The following RPL29 variants were observed in gnomAD, a reference collection of about 807,000 sequenced individuals.
The protein encoded by RPL29 is ribosomal protein L29.
A neutral mutation model predicts 7.2 loss-of-function variants in RPL29; 4 were observed. The observed-to-expected ratio is 0.55, with a 90% CI of 0.27 to 1.26. The LOEUF (loss-of-function observed/expected upper bound fraction) is 1.26. Among genes scored for constraint, RPL29 ranks in the 50% most tolerant of loss-of-function variants. RPL29 has a pLI of 0.11. For missense variants in RPL29, 148 were observed against 209.1 expected, an observed-to-expected ratio of 0.71 and a Z score of 1.80; for synonymous variants, 73 against 72.8, an observed-to-expected ratio of 1.00 and a Z score of -0.01.
At chr3:51,994,593 A>G (rs1443912148) in intron 3 of RPL29, 1 of 442,864 alleles carries the variant, frequency 2.3e-6, no homozygotes, top group Non-Finnish European at 4.1e-6. Context: ...AAGGGAAGGA[A>G]CAGACTGGGG....
rs12820 is a variant in RPL29 at position 51,993,963 on chromosome 3, A to G, written c.266T>C (p.Val89Ala). The change falls in exon 4 of 4, where the codon GTC (valine) becomes GCC (alanine). Residue 89 changes from valine to alanine, a missense_variant. Transcript: ENST00000294189. ...GGCAAGTCGATCGAGCTTGCGGCTG[A>G]CACCCTTTGGGATCTTGGGCTTAAC... is the stretch of plus-strand genomic sequence containing the variant. ...KEVKPKIPKG[V>A]SRKLDRLAYI... 1 of 1,596,978 alleles carries G rather than the reference A, an allele frequency of 6.3e-7. No individual in the cohort carries two copies. Among genetic ancestry groups the G allele is most frequent in the South Asian group, 1.1e-5 (1 of 91,002 alleles).
Position 51,995,419 on chromosome 3 carries a change from A to C in RPL29, c.37+6T>G, listed in dbSNP as rs759525225. 4 of 1,614,116 alleles carry C rather than the reference A, an allele frequency of 2.5e-6. No homozygotes were observed. Among genetic ancestry groups the C allele is most frequent in the Non-Finnish European group, 3.4e-6 (4 of 1,180,010 alleles). ...CTGGGATGTAGGCAGGGCCCAAAAAACTTACACTGGTTGTGTGTGGTGTGG... is the reference window on the plus strand; with the variant it reads ...CTGGGATGTAGGCAGGGCCCAAAAACCTTACACTGGTTGTGTGTGGTGTGG... On this transcript the variant is annotated splice_donor_region_variant and intron_variant, in intron 2 of 3. Transcript: ENST00000294189.
chr3:51,994,201 T>TA, intron 3 of RPL29, 75 bp from the exon 4 acceptor site: 1 of 1,485,982 alleles, frequency 6.7e-7, no homozygotes, highest in Non-Finnish European at 8.9e-7. Flanking sequence ...TCCATAGGGG[T>TA]ACCCAGCATT....
rs1701306532 is a variant in RPL29, at chr3:51,995,757, C to T, written c.-9+100G>A. ...ATTCCCACCCCGCAGCTTTTGCTCC[C>T]GACAGACACACGGTCGGTCACCAGT... On this transcript the variant is annotated intron_variant, in intron 1 of 3. Coordinates refer to ENST00000294189, the MANE Select transcript of RPL29 (RefSeq NM_000992.3). 3.0e-5 allele frequency: 13 copies of T among 430,268 alleles called. No homozygotes were observed. In the South Asian group the frequency reaches 3.4e-4, roughly 11 times the overall value. The allele number at this position is 430,268 out of a possible 1,614,324, so 26.7% of individuals were successfully genotyped here.
In RPL29 at chr3:51,993,753, T is replaced by C; in HGVS notation, c.476A>G (p.Glu159Gly). 1 of 1,589,966 alleles carries C rather than the reference T, an allele frequency of 6.3e-7. No individual in the cohort carries two copies. The highest frequency in any genetic ancestry group is 8.5e-7 in the Non-Finnish European group (1 of 1,176,032). ...KRTQAPTKASE is the reference protein window; with the variant it reads ...KRTQAPTKASG ...TCCTCATGTTGGCAGAGATATCTAC[T>C]CTGAAGCCTTTGTAGGGGCCTGGGT... The change falls in exon 4 of 4, where the codon GAG (glutamate) becomes GGG (glycine). Residue 159 changes from glutamate (E) to glycine (G), a missense_variant. Glu to Gly is a moderately conservative substitution (Grantham distance 98). Coordinates refer to ENST00000294189, the MANE Select transcript of RPL29 (RefSeq NM_000992.3).
rs376969283 is a variant in RPL29 at position 51,995,383 on chromosome 3, C to A, written c.37+42G>T. The stretch of plus-strand genomic sequence containing the variant: ...CTGTCCCAGTTTGCCTGAACCAGTC[C>A]TTGCCAGGGTCTGGGATGTAGGCAG... On this transcript the variant is annotated intron_variant, in intron 2 of 3. Coordinates refer to ENST00000294189, the MANE Select transcript of RPL29 (RefSeq NM_000992.3). 1.9e-6 allele frequency: 3 copies of A among 1,611,434 alleles called. No homozygotes were observed. In the African/African-American group the frequency reaches 4.0e-5, roughly 22 times the overall value.
chr3:51,995,864 CGCG>C lies in RPL29; in HGVS notation c.-19_-17del, dbSNP rs1383443663. 1 of 230,662 alleles carries C rather than the reference CGCG, an allele frequency of 4.3e-6. No homozygotes were observed. The highest frequency in any genetic ancestry group is 5.2e-5 in the Admixed American group (1 of 19,118). 14.3% of individuals were successfully genotyped at this position (230,662 alleles called of 1,614,324 possible). On this transcript the variant is annotated 5_prime_UTR_variant, in exon 1 of 4. Coordinates refer to ENST00000294189, the MANE Select transcript of RPL29 (RefSeq NM_000992.3). Reference sequence around the variant, plus strand: ...CGCGCGGCCAACACTCACCATAAGCCGCGGCTCCCGAAGCGCCTAGAACCGGAA... The same window carrying C: ...CGCGCGGCCAACACTCACCATAAGCCGCTCCCGAAGCGCCTAGAACCGGAA...
At chr3:51,994,604 A>G in intron 3 of RPL29, 2 of 475,074 alleles carry the variant, frequency 4.2e-6, no homozygotes, top group East Asian at 3.8e-5. Flanking sequence ...CAGACTGGGG[A>G]CATGCTCAGC....
At chr3:51,995,167 A>G (rs1286118296) in intron 2 of RPL29, 61 bp from the exon 3 acceptor site, 16 of 1,422,710 alleles carry the variant, frequency 1.1e-5, no homozygotes, top group Non-Finnish European at 1.6e-5. Flanking sequence ...AGACCACCCA[A>G]CATCACAGCT....
chr3:51,995,769 G>A, intron 1 of RPL29, 88 bp downstream of exon 1: 1 of 419,828 alleles, frequency 2.4e-6, no homozygotes. Context: ...ACAGACACAC[G>A]GTCGGTCACC....
intron 3 of RPL29, 40 bp downstream of exon 3, chr3:51,995,002 A>T: frequency 6.4e-7 from 1 of 1,567,938 alleles, no homozygotes; most frequent in Non-Finnish European, 8.8e-7. Flanking sequence ...GTGCACCTGG[A>T]ACCAAGAAAA....
At chr3:51,994,401 C>T (rs546174853) in intron 3 of RPL29, 113 of 432,962 alleles carry the variant, frequency 2.6e-4, no homozygotes, top group African/African-American at 2.0e-3. Flanking sequence ...CTTCAACTTC[C>T]TACAGCAGGG....
In RPL29 at chr3:51,995,033, T is replaced by C; in HGVS notation, c.102+9A>G. 6.2e-7 allele frequency: 1 copy of C among 1,609,972 alleles called. No homozygotes were observed. Among genetic ancestry groups the C allele is most frequent in the East Asian group, 2.2e-5 (1 of 44,876 alleles). On this transcript the variant is annotated intron_variant, in intron 3 of 3. Coordinates refer to ENST00000294189, the MANE Select transcript of RPL29 (RefSeq NM_000992.3). ...GAAAAGACACTTCCATGTGATTCAG[T>C]GCACTCACCCCCTTAAGAGATTCGT...
chr3:51,993,815 T>C lies in RPL29; in HGVS notation c.414A>G (p.Ala138=), dbSNP rs1321440470. 3.1e-6 allele frequency: 5 copies of C among 1,595,322 alleles called. No individual in the cohort carries two copies. Among genetic ancestry groups the C allele is most frequent in the Non-Finnish European group, 4.2e-6 (5 of 1,179,092 alleles). Reference sequence around the variant, plus strand: ...CCTGAGCTGGAACTGAAGCTGGGGCTGCAGCCTGGGCCTTGGTTTGATCCT... The same window carrying C: ...CCTGAGCTGGAACTGAAGCTGGGGCCGCAGCCTGGGCCTTGGTTTGATCCT... The part of the protein sequence containing the change: ...KAKDQTKAQA[A]APASVPAQAP... The change falls in exon 4 of 4, where the codon GCA becomes GCG. Residue 138 remains alanine (A), a synonymous_variant. Transcript: ENST00000294189.
At chr3:51,994,281 T>G (rs759245750) in intron 3 of RPL29, 155 bp from the exon 4 acceptor site, 5 of 1,027,180 alleles carry the variant, frequency 4.9e-6, no homozygotes, top group Non-Finnish European at 6.9e-6. Context: ...CCAGAGAAAG[T>G]GTACCACCAC....
intron 3 of RPL29, 146 bp from the exon 4 acceptor site, chr3:51,994,272 C>T: frequency 9.0e-7 from 1 of 1,113,778 alleles, no homozygotes; most frequent in Non-Finnish European, 1.2e-6. Flanking sequence ...AAACTATTTC[C>T]AGAGAAAGTG....
At chr3:51,995,530 C>A (rs1261284479) in intron 1 of RPL29, 61 bp from the exon 2 acceptor site, 6 of 1,526,134 alleles carry the variant, frequency 3.9e-6, no homozygotes, top group South Asian at 1.1e-5. Flanking sequence ...CCTCTGCCCC[C>A]CCCATTCTGG....
At chr3:51,995,398 G>A in intron 2 of RPL29, 27 bp downstream of exon 2, 2 of 1,613,842 alleles carry the variant, frequency 1.2e-6, no homozygotes, top group Non-Finnish European at 8.5e-7. Flanking sequence ...CAGGGTCTGG[G>A]ATGTAGGCAG....
chr3:51,995,721 C>G, intron 1 of RPL29, 136 bp downstream of exon 1: 1 of 523,106 alleles, frequency 1.9e-6, no homozygotes, highest in Non-Finnish European at 3.4e-6. Flanking sequence ...CTCCTAGGAC[C>G]TAGAAGCACC....
Sources: allele counts gnomAD v4.1 joint callset, GRCh38; gene constraint gnomAD v4.1.1; transcripts MANE v1.5; gene names NCBI Gene and HGNC (gene_info 2026-07-23, HGNC 2026-07-21).